Variants in PPARD observed in about 807,000 individuals in gnomAD.
PPARD encodes the protein peroxisome proliferator-activated receptor delta.
Under a neutral mutation model 39.5 loss-of-function variants are expected in PPARD, and 6 were observed. That is an observed-to-expected ratio of 0.15 (90% CI 0.08 to 0.30). PPARD has a LOEUF of 0.30. Among genes scored for constraint, PPARD ranks in the 10% least tolerant of loss-of-function variants. PPARD has a pLI of 1.00. For synonymous variants in PPARD, 210 were observed against 231.3 expected (o/e 0.91, Z 0.83); for missense variants, 397 against 596.8 (o/e 0.67, Z 3.49).
intron 3 of PPARD, among the ~76,000 whole-genome samples, chr6:35,418,863 T>C (rs1336702968): frequency 6.6e-6 from 1 of 151,900 alleles, no homozygotes; most frequent in East Asian, 1.9e-4. Context: ...CTTCTTGTGC[T>C]CCCCCTCCTG....
rs1185397879 is a variant in PPARD, at chr6:35,391,329, A to G, written c.-101-19658A>G. Among the ~76,000 whole-genome samples, 4 of 152,372 alleles carry G rather than the reference A, an allele frequency of 2.6e-5. No homozygotes were observed. The East Asian group carries it at 7.7e-4, about 29-fold the overall frequency. ...GAATTTCTGTATTTCCTTCACCAAG[A>G]TTCACCAGTTGCTAACAGTTTGGCG... is the stretch of plus-strand genomic sequence containing the variant. On this transcript the variant is annotated intron_variant, in intron 2 of 7. Coordinates refer to ENST00000360694, the MANE Select transcript of PPARD (RefSeq NM_006238.5).
rs528572839 is a variant in PPARD at position 35,380,558 on chromosome 6, G to A, written c.-101-30429G>A. Among the ~76,000 whole-genome samples the A allele has an allele frequency of 5.1e-4, 71 of 140,500 alleles. 1 individual carries two copies. The highest frequency in any genetic ancestry group is 1.9e-3 in the African/African-American group (70 of 37,814). 92.2% of individuals were successfully genotyped at this position (140,500 alleles called of 152,430 possible). On this transcript the variant is annotated intron_variant, in intron 2 of 7. Coordinates refer to ENST00000360694, the MANE Select transcript of PPARD (RefSeq NM_006238.5). ...GGCTGTAGTGCAGTAGCACAATCTC[G>A]GCTCACTGCAGCCTCGACCTTTCGG... is the stretch of plus-strand genomic sequence containing the variant.
intron 1 of PPARD, among the ~76,000 whole-genome samples, chr6:35,345,874 GTTT>G (rs947186291): frequency 8.7e-6 from 1 of 114,610 alleles, no homozygotes; most frequent in Non-Finnish European, 1.8e-5. Flanking sequence ...CTTTTTTTTC[GTTT>G]TTTTTTTTTT....
chr6:35,420,289 C>G lies in PPARD; in HGVS notation c.285+8C>G. ...GCATGTGAGGGGTGCAAGGTACGGACTGGGGGGAGCGGTGGCTGGCCACTG... is the reference window on the plus strand; with the variant it reads ...GCATGTGAGGGGTGCAAGGTACGGAGTGGGGGGAGCGGTGGCTGGCCACTG... On this transcript the variant is annotated splice_region_variant and intron_variant, in intron 4 of 7. Coordinates refer to ENST00000360694, the MANE Select transcript of PPARD (RefSeq NM_006238.5). The G allele has an allele frequency of 1.3e-6, 2 of 1,535,284 alleles. No homozygotes were observed. The highest frequency in any genetic ancestry group is 4.8e-5 in the East Asian group (2 of 41,686).
At chr6:35,394,306 C>T (rs533072593) in intron 2 of PPARD, among the ~76,000 whole-genome samples, 11 of 152,384 alleles carry the variant, frequency 7.2e-5, no homozygotes, top group African/African-American at 2.4e-4. Context: ...GTGCCACCTG[C>T]TGCTCTTGGG....
At chr6:35,400,089 G>C (rs190628404) in intron 2 of PPARD, among the ~76,000 whole-genome samples, 35 of 152,304 alleles carry the variant, frequency 2.3e-4, no homozygotes, top group African/African-American at 5.3e-4. Flanking sequence ...CAGCTTAACT[G>C]TGGGATTTTT....
chr6:35,381,055 C>T (rs1272664910), intron 2 of PPARD, among the ~76,000 whole-genome samples: 1 of 151,082 alleles, frequency 6.6e-6, no homozygotes, highest in African/African-American at 2.4e-5. Context: ...TGCATTCTCC[C>T]CTCATCTCCT....
chr6:35,405,160 C>T (rs145724195), intron 2 of PPARD, among the ~76,000 whole-genome samples: 82 of 152,080 alleles, frequency 5.4e-4, no homozygotes, highest in African/African-American at 2.0e-3. Flanking sequence ...CTAGTTCAAG[C>T]GATTCTCTTG....
chr6:35,348,413 C>G, intron 2 of PPARD: 4 of 985,412 alleles, frequency 4.1e-6, no homozygotes, highest in Non-Finnish European at 4.8e-6. Flanking sequence ...GTTCCCATTG[C>G]TGTTTCCATG....
Position 35,363,291 on chromosome 6 carries a change from A to G in PPARD, c.-102+16141A>G, listed in dbSNP as rs1403193843. Among the ~76,000 whole-genome samples, 1 of 152,164 alleles carries G rather than the reference A, an allele frequency of 6.6e-6. No individual in the cohort carries two copies. The highest frequency in any genetic ancestry group is 1.5e-5 in the Non-Finnish European group (1 of 68,026). ...GGGCTAGGAATTCATGCTTAAAAGC[A>G]GGCTGATTTCCATAGGCTGTGCGTT... On this transcript the variant is annotated intron_variant, in intron 2 of 7. Coordinates refer to ENST00000360694, the MANE Select transcript of PPARD (RefSeq NM_006238.5). The surrounding 1 kb of genome is among the most constrained non-coding windows in gnomAD (Gnocchi z 4.5).
At chr6:35,346,807 C>T (rs1330728692) in intron 1 of PPARD, among the ~76,000 whole-genome samples, 4 of 152,238 alleles carry the variant, frequency 2.6e-5, no homozygotes, top group East Asian at 3.8e-4. Flanking sequence ...ACCTTGCCTG[C>T]GCCTTCTGCG....
chr6:35,387,168 T>C (rs964571434), intron 2 of PPARD, among the ~76,000 whole-genome samples: 9 of 152,124 alleles, frequency 5.9e-5, no homozygotes, highest in Middle Eastern at 6.8e-3. Context: ...TTGCATCAGT[T>C]GTTGCTCTTT....
At chr6:35,383,901 G>A (rs1178207452) in intron 2 of PPARD, among the ~76,000 whole-genome samples, 1 of 145,194 alleles carries the variant, frequency 6.9e-6, no homozygotes, top group African/African-American at 2.8e-5. Flanking sequence ...AGTGAGGAGC[G>A]TCTCCGCCCG....
At position 35,410,503 on chromosome 6, in the gene PPARD, A is replaced by G. The variant is rs191515173; in HGVS notation, c.-101-484A>G. 3.7e-3 allele frequency among the ~76,000 whole-genome samples: 565 copies of G among 152,290 alleles called. 1 individual carries two copies. Among genetic ancestry groups the G allele is most frequent in the Middle Eastern group, 0.01 (3 of 294 alleles). On this transcript the variant is annotated intron_variant, in intron 2 of 7. Coordinates refer to ENST00000360694, the MANE Select transcript of PPARD (RefSeq NM_006238.5). Reference sequence around the variant, plus strand: ...GCTTTATGTCTTTTTTCCACACCCAACCACTGAAAGGATGGGACTCACCCC... The same window carrying G: ...GCTTTATGTCTTTTTTCCACACCCAGCCACTGAAAGGATGGGACTCACCCC...
intron 2 of PPARD, among the ~76,000 whole-genome samples, chr6:35,399,107 T>TC (rs1267316374): frequency 7.0e-6 from 1 of 143,314 alleles, no homozygotes; most frequent in Non-Finnish European, 1.5e-5. Flanking sequence ...TGAGACCCTG[T>TC]CCCCCAAAAA....
At chr6:35,364,431 C>CTTTT (rs529866520) in intron 2 of PPARD, among the ~76,000 whole-genome samples, 2 of 127,190 alleles carry the variant, frequency 1.6e-5, no homozygotes, top group African/African-American at 3.2e-5. Flanking sequence ...CCATGTTTAA[C>CTTTT]TTTTTTTTTT....
At chr6:35,407,377 G>A (rs911302743) in intron 2 of PPARD, among the ~76,000 whole-genome samples, 2 of 151,858 alleles carry the variant, frequency 1.3e-5, no homozygotes, top group Admixed American at 6.6e-5. Context: ...TGTGGCTCTC[G>A]GGGGTCCCAC....
intron 2 of PPARD, chr6:35,397,691 C>T (rs1479186405): frequency 3.3e-6 from 1 of 301,756 alleles, no homozygotes; most frequent in Non-Finnish European, 4.9e-6. Flanking sequence ...TCTCTGCCTC[C>T]TGGGGCTTAT....
chr6:35,406,019 C>T (rs570240712), intron 2 of PPARD, among the ~76,000 whole-genome samples: 4 of 152,154 alleles, frequency 2.6e-5, no homozygotes, highest in Admixed American at 6.5e-5. Context: ...CTCTCCCCTC[C>T]GGGTTCAAGT....
Sources: gnomAD v4.1 joint callset for allele counts (sites outside exome capture counted in the v4.1 genomes callset) on GRCh38, gnomAD v4.1.1 for gene constraint, Gnocchi (gnomAD v3.1) non-coding constraint, MANE v1.5 for transcripts, NCBI Gene and HGNC (gene_info 2026-07-23, HGNC 2026-07-21) for gene names.